CLNK: variants seen among roughly 807,000 people sequenced by gnomAD.
CLNK encodes cytokine-dependent hematopoietic cell linker.
A neutral mutation model predicts 68.6 loss-of-function variants in CLNK; 74 were observed. The ratio of observed to expected loss-of-function variants is 1.08; its 90% confidence interval spans 0.89 to 1.31. CLNK has a LOEUF of 1.31. CLNK is among the 50% of genes most tolerant of loss of function. CLNK has a pLI of 0.00. For missense variants in CLNK, 553 were observed against 515.3 expected, an observed-to-expected ratio of 1.07 and a Z score of -0.71; for synonymous variants, 198 against 172.2, an observed-to-expected ratio of 1.15 and a Z score of -1.17.
intron 2 of CLNK, 89 bp downstream of exon 2, chr4:10,667,770 C>T: frequency 7.8e-7 from 1 of 1,287,316 alleles, no homozygotes. Flanking sequence ...GCCACATTGG[C>T]ATCATTTCTC....
chr4:10,504,116 C>CTT (rs10660433), intron 17 of CLNK, among the ~76,000 whole-genome samples: 16,285 of 67,348 alleles, frequency 0.24, 2,552 homozygotes, highest in Non-Finnish European at 0.29. Flanking sequence ...TCTTTGGGTT[C>CTT]TTTTTTTTTT....
Position 10,525,932 on chromosome 4 carries a change from A to T in CLNK, c.650-10T>A. ...CTCTGGTTATGAGGAACTATATAAA[A>T]CAGTGACATAATTTGGTCAGGTTGC... On this transcript the variant is annotated splice_polypyrimidine_tract_variant and intron_variant, in intron 13 of 18. Transcript: ENST00000226951. The T allele has an allele frequency of 6.5e-7, 1 of 1,527,192 alleles. No individual in the cohort carries two copies. Among genetic ancestry groups the T allele is most frequent in the Non-Finnish European group, 8.9e-7 (1 of 1,122,560 alleles). 94.6% of individuals were successfully genotyped at this position (1,527,192 alleles called of 1,614,324 possible).
intron 5 of CLNK, among the ~76,000 whole-genome samples, 164 bp from the exon 6 acceptor site, chr4:10,566,314 G>A (rs552231542): frequency 1.3e-5 from 2 of 152,210 alleles, no homozygotes; most frequent in Admixed American, 6.5e-5. Flanking sequence ...TCTTGTGCTA[G>A]TGAGAATTCT....
At chr4:10,657,485 G>A (rs968702638) in intron 2 of CLNK, among the ~76,000 whole-genome samples, 16 of 152,154 alleles carry the variant, frequency 1.1e-4, no homozygotes, top group Admixed American at 9.8e-4. Flanking sequence ...TAAAGCAATT[G>A]AAAACATTAA....
intron 2 of CLNK, among the ~76,000 whole-genome samples, chr4:10,625,310 G>A: frequency 6.6e-6 from 1 of 152,206 alleles, no homozygotes; most frequent in East Asian, 1.9e-4. Flanking sequence ...GGCGTACAAA[G>A]GCAGAGAGAG....
intron 2 of CLNK, among the ~76,000 whole-genome samples, chr4:10,620,322 T>C (rs139979848): frequency 2.6e-5 from 4 of 152,170 alleles, no homozygotes; most frequent in African/African-American, 9.7e-5. Context: ...CCCATTGCTT[T>C]GTCCTTTTCA....
At chr4:10,695,271 C>T in the CLNK span, among the ~76,000 whole-genome samples, 1 of 152,214 alleles carries the variant, frequency 6.6e-6, no homozygotes, top group East Asian at 1.9e-4. Flanking sequence ...ATACATGTGC[C>T]ATAACCTCAC....
chr4:10,672,183 A>T (rs982450791), intron 1 of CLNK, among the ~76,000 whole-genome samples: 53 of 152,236 alleles, frequency 3.5e-4, no homozygotes, highest in African/African-American at 1.2e-3. Context: ...TGGGGGAGGG[A>T]ACTGCGCACT....
the CLNK span, among the ~76,000 whole-genome samples, chr4:10,716,444 T>A: frequency 1.3e-5 from 2 of 152,204 alleles, no homozygotes; most frequent in Non-Finnish European, 2.9e-5. Context: ...GGGCATACTT[T>A]AAAAAATTTG....
chr4:10,516,077 A>G (rs540345765), intron 15 of CLNK, among the ~76,000 whole-genome samples: 1 of 151,616 alleles, frequency 6.6e-6, no homozygotes, highest in African/African-American at 2.4e-5. Context: ...TTTTTTTTTG[A>G]AATTTAGAAC....
At chr4:10,589,497 C>T (rs1338977792) in intron 3 of CLNK, among the ~76,000 whole-genome samples, 1 of 152,090 alleles carries the variant, frequency 6.6e-6, no homozygotes, top group Non-Finnish European at 1.5e-5. Context: ...GCTCTCCGTG[C>T]GTCAATGCAA....
chr4:10,541,531 G>C (rs1719025957), intron 10 of CLNK, among the ~76,000 whole-genome samples: 1 of 151,738 alleles, frequency 6.6e-6, no homozygotes. Flanking sequence ...GCTGTCTGTT[G>C]CTCTTTTCTC....
intron 8 of CLNK, among the ~76,000 whole-genome samples, chr4:10,552,095 A>G (rs1389678830): frequency 6.6e-6 from 1 of 152,036 alleles, no homozygotes; most frequent in Admixed American, 6.6e-5. Flanking sequence ...TGACCTCCTG[A>G]TCTGCCCACC....
intron 3 of CLNK, among the ~76,000 whole-genome samples, chr4:10,595,069 G>A (rs1033518497): frequency 1.3e-5 from 2 of 151,968 alleles, no homozygotes; most frequent in African/African-American, 4.8e-5. Flanking sequence ...CAACAAGAGT[G>A]AAACCCCGTC....
At chr4:10,685,851 C>T (rs766331317), upstream of CLNK, among the ~76,000 whole-genome samples, 3 of 152,156 alleles carry the variant, frequency 2.0e-5, no homozygotes, top group Non-Finnish European at 4.4e-5. Context: ...TAGGGAGACT[C>T]GAGTAGTTTA....
chr4:10,525,468 T>A (rs73809627), intron 14 of CLNK, among the ~76,000 whole-genome samples: 9,770 of 152,262 alleles, frequency 0.064, 589 homozygotes, highest in African/African-American at 0.15. Context: ...ACACTTGGTC[T>A]TCTAGCCATA....
At chr4:10,579,433 A>G (rs1478333723) in intron 4 of CLNK, among the ~76,000 whole-genome samples, 1 of 152,212 alleles carries the variant, frequency 6.6e-6, no homozygotes, top group African/African-American at 2.4e-5. Flanking sequence ...AAATATATAC[A>G]TATATACATT....
intron 1 of CLNK, among the ~76,000 whole-genome samples, chr4:10,668,272 G>T (rs1270306542): frequency 1.3e-5 from 2 of 152,050 alleles, no homozygotes; most frequent in South Asian, 2.1e-4. Context: ...ATGCAGAAAG[G>T]GTGCTTTTCA....
At chr4:10,643,044 C>T (rs756452493) in intron 2 of CLNK, among the ~76,000 whole-genome samples, 1 of 152,156 alleles carries the variant, frequency 6.6e-6, no homozygotes, top group Non-Finnish European at 1.5e-5. Context: ...AGACATGATA[C>T]TTAAAACCGT....
Sources: gnomAD v4.1 joint callset for allele counts (sites outside exome capture counted in the v4.1 genomes callset) on GRCh38, gnomAD v4.1.1 for gene constraint, MANE v1.5 for transcripts, NCBI Gene and HGNC (gene_info 2026-07-23, HGNC 2026-07-21) for gene names.